The following MDM1 variants were observed in gnomAD, a reference collection of about 807,000 sequenced individuals.
The protein encoded by MDM1 is Mdm1 nuclear protein.
Under a neutral mutation model 89.1 loss-of-function variants are expected in MDM1, and 61 were observed. The ratio of observed to expected loss-of-function variants is 0.68; its 90% CI spans 0.56 to 0.85. MDM1 has a LOEUF of 0.85. MDM1 is among the 40% of genes least tolerant of loss of function. MDM1 has a pLI of 0.00. For synonymous variants in MDM1, 290 were observed against 294.1 expected (o/e 0.99, Z 0.14); for missense variants, 820 against 846.5 (o/e 0.97, Z 0.39).
Position 68,325,559 on chromosome 12 carries a change from C to G in MDM1, c.515G>C (p.Arg172Pro), listed in dbSNP as rs139463520. The G allele has an allele frequency of 2.5e-6, 4 of 1,576,820 alleles. No individual in the cohort carries two copies. The African/African-American group carries it at 5.4e-5, about 21-fold the overall frequency. Residue 172 changes from arginine to proline, a missense_variant, in exon 4 of 15, where the codon CGT becomes CCT. Arg to Pro is a moderately radical substitution (Grantham distance 103). Transcript: ENST00000682720. ...NVDNGLDRLL[R>P]KKAGLTVVPS... ...AACAACAGTCAATCCAGCTTTCTTA[C>G]GCAGAAGTCTATCCAACTGTTCAAA...
intron 12 of MDM1, 58 bp downstream of exon 12, chr12:68,313,385 C>A (rs1039753180): frequency 8.6e-7 from 1 of 1,161,672 alleles, no homozygotes; most frequent in Non-Finnish European, 1.3e-6. Context: ...TCATTTATTA[C>A]ATGTGTCTAC....
intron 1 of MDM1, 161 bp downstream of exon 1, chr12:68,332,067 G>C (rs1228512152): frequency 1.1e-6 from 1 of 890,376 alleles, no homozygotes; most frequent in Non-Finnish European, 1.8e-6. Context: ...AGGTTAAGAG[G>C]CGGCGGGCAG....
chr12:68,331,026 TACTTAGCCCAAGTTATAACG>T, intron 2 of MDM1, 61 bp downstream of exon 2: 1 of 776,204 alleles, frequency 1.3e-6, no homozygotes, highest in Non-Finnish European at 2.3e-6. Context: ...GCCCAAGGTT[TACTTAGCCCAAGTTATAACG>T]GCTTGGCCCA....
chr12:68,320,335 A>G (rs1875048913), intron 7 of MDM1, among the ~76,000 whole-genome samples: 1 of 152,190 alleles, frequency 6.6e-6, no homozygotes, highest in African/African-American at 2.4e-5. Context: ...GACAGCTTTG[A>G]GCTTTGTCTT....
Position 68,332,359 on chromosome 12 carries a change from A to G in MDM1, c.-114T>C. ...AAGCCTCGGCCCGGCGTCCCCGACT[A>G]CGCGCCGGCGCACTCCGCGCTTCCC... On this transcript the variant is annotated 5_prime_UTR_variant, in exon 1 of 15. Transcript: ENST00000682720. 7.6e-7 allele frequency: 1 copy of G among 1,321,784 alleles called. No individual in the cohort carries two copies. The highest frequency in any genetic ancestry group is 1.0e-6 in the Non-Finnish European group (1 of 982,940). 81.9% of individuals were successfully genotyped at this position (1,321,784 alleles called of 1,614,324 possible). A position where few individuals can be genotyped will look rare whatever the true frequency, so the allele number is the denominator to read the frequency against.
At chr12:68,318,760 G>A (rs989025601) in intron 7 of MDM1, among the ~76,000 whole-genome samples, 2 of 152,070 alleles carry the variant, frequency 1.3e-5, no homozygotes, top group African/African-American at 2.4e-5. Context: ...ACCTTTCTGG[G>A]CCAAGTAATG....
intron 13 of MDM1, among the ~76,000 whole-genome samples, chr12:68,298,686 A>C (rs1038013440): frequency 5.3e-5 from 8 of 152,132 alleles, no homozygotes; most frequent in Admixed American, 4.6e-4. Flanking sequence ...ACCTCACTGC[A>C]TTTAACTGAG....
chr12:68,313,690 A>C lies in MDM1; in HGVS notation c.1593T>G (p.Leu531=). Residue 531 remains leucine (L), a synonymous_variant, in exon 11 of 15, where the codon CTT becomes CTG. Transcript: ENST00000682720. ...CATGATGAGTCCTCTGGATTCCACCAAGTTCTCTCAGCTTGGGAGTAGGAA... is the reference window on the plus strand; with the variant it reads ...CATGATGAGTCCTCTGGATTCCACCCAGTTCTCTCAGCTTGGGAGTAGGAA... The part of the protein sequence containing the change: ...GRLPTPKLRE[L]GGIQRTHHDL... The C allele has an allele frequency of 6.2e-7, 1 of 1,614,184 alleles. No homozygotes were observed.
chr12:68,315,157 AC>A lies in MDM1; in HGVS notation c.1319del (p.Gly440ValfsTer68). On this transcript the variant is annotated frameshift_variant, in exon 10 of 15. Transcript: ENST00000682720. LOFTEE classifies it high-confidence loss of function. ...TAACGGGTATGGTGGGAGCTGACAC[AC>A]CCAATTTCTCCGTGGTATTTTTCTG... Reference protein sequence around the residue: ...QPQKNTTEKLGVSAPTIPVRR... With the variant: ...QPQKNTTEKLXVSAPTIPVRR... 16 of 1,613,840 alleles carry A rather than the reference AC, an allele frequency of 9.9e-6. No individual in the cohort carries two copies. The highest frequency in any genetic ancestry group is 1.3e-5 in the Non-Finnish European group (15 of 1,179,954).
At chr12:68,324,100 A>G (rs1417884211) in intron 4 of MDM1, among the ~76,000 whole-genome samples, 2 of 152,104 alleles carry the variant, frequency 1.3e-5, no homozygotes, top group Non-Finnish European at 1.5e-5. Context: ...ACTAACCATG[A>G]GCATTTCCTT....
In MDM1 at chr12:68,316,089, T is replaced by C; in HGVS notation, c.1200A>G (p.Leu400=). The C allele has an allele frequency of 6.2e-7, 1 of 1,609,614 alleles. No individual in the cohort carries two copies. Among genetic ancestry groups the C allele is most frequent in the East Asian group, 2.2e-5 (1 of 44,764 alleles). The change falls in exon 9 of 15, where the codon TTA becomes TTG. Residue 400 remains leucine, a synonymous_variant. Transcript: ENST00000682720. ...EGTVSSNIRA[L]DLAGDPTSHK... is the part of the protein sequence containing the mutation. ...AAAGAATATCTCACCCAGCAAGATCTAATGCTCTGATGTTGCTACTAACGG... is the reference window on the plus strand; with the variant it reads ...AAAGAATATCTCACCCAGCAAGATCCAATGCTCTGATGTTGCTACTAACGG...
intron 1 of MDM1, chr12:68,331,969 C>A: frequency 1.4e-6 from 1 of 694,450 alleles, no homozygotes; most frequent in Middle Eastern, 2.3e-4. Context: ...CTCCACTCCT[C>A]TTGAGTCCCC....
Position 68,331,364 on chromosome 12 carries a change from T to G in MDM1, c.19-143A>C. Reference sequence around the variant, plus strand: ...CACAGACGAGCTCCTTAATAAGAGCTAATATTCACCCAGCCCTGTGCTAAG... The same window carrying G: ...CACAGACGAGCTCCTTAATAAGAGCGAATATTCACCCAGCCCTGTGCTAAG... On this transcript the variant is annotated intron_variant, in intron 1 of 14. Coordinates refer to ENST00000682720, the MANE Select transcript of MDM1 (RefSeq NM_001354969.2). 4.6e-6 allele frequency: 3 copies of G among 645,704 alleles called. No homozygotes were observed. The South Asian group carries it at 5.4e-5, about 12-fold the overall frequency. The allele number at this position is 645,704 out of a possible 1,614,324, so 40.0% of individuals were successfully genotyped here.
At chr12:68,311,057 A>C (rs1182176355) in intron 12 of MDM1, among the ~76,000 whole-genome samples, 1 of 152,154 alleles carries the variant, frequency 6.6e-6, no homozygotes, top group East Asian at 1.9e-4. Flanking sequence ...CACTCTTCTC[A>C]AGTCCCAGTG....
chr12:68,324,734 G>A lies in MDM1; in HGVS notation c.633+707C>T, dbSNP rs1592988861. Among the ~76,000 whole-genome samples, 3 of 152,130 alleles carry A rather than the reference G, an allele frequency of 2.0e-5. No individual in the cohort carries two copies. In the East Asian group the frequency reaches 5.8e-4, roughly 29 times the overall value. ...CAGACTAAGCCATTACAGGTCTCTG[G>A]GGATATTCCAAGTGGAGGTATTTCC... is the stretch of plus-strand genomic sequence containing the variant. On this transcript the variant is annotated intron_variant, in intron 4 of 14. Transcript: ENST00000682720.
chr12:68,321,678 A>C, intron 5 of MDM1, 50 bp from the exon 6 acceptor site: 1 of 1,188,674 alleles, frequency 8.4e-7, no homozygotes, highest in South Asian at 1.3e-5. Flanking sequence ...TTACACATTA[A>C]AGTGAAAACA....
At position 68,302,879 on chromosome 12, in the gene MDM1, GACAAA is replaced by G; in HGVS notation, c.1750-12_1750-8del. On this transcript the variant is annotated splice_region_variant and splice_polypyrimidine_tract_variant and intron_variant, in intron 12 of 14. Coordinates refer to ENST00000682720, the MANE Select transcript of MDM1 (RefSeq NM_001354969.2). ...ATACAGCACGACTTTCTTTCTAAAT[GACAAA>G]AAAAAAAAAAAAAAAAAGATGCCTA... 1.4e-6 allele frequency: 1 copy of G among 738,168 alleles called. No individual in the cohort carries two copies. Among genetic ancestry groups the G allele is most frequent in the Non-Finnish European group, 1.7e-6 (1 of 597,634 alleles). 45.7% of individuals were successfully genotyped at this position (738,168 alleles called of 1,614,324 possible). A position where few individuals can be genotyped will look rare whatever the true frequency, so the allele number is the denominator to read the frequency against.
intron 13 of MDM1, 59 bp from the exon 14 acceptor site, chr12:68,297,041 A>C: frequency 8.9e-5 from 111 of 1,245,602 alleles, no homozygotes; most frequent in Non-Finnish European, 1.1e-4. Flanking sequence ...AGCTTATCTC[A>C]ATTATATACT....
At position 68,295,348 on chromosome 12, in the gene MDM1, T is replaced by C; in HGVS notation, c.2081A>G (p.Glu694Gly). 1 of 1,612,326 alleles carries C rather than the reference T, an allele frequency of 6.2e-7. No homozygotes were observed. Among genetic ancestry groups the C allele is most frequent in the Non-Finnish European group, 8.5e-7 (1 of 1,178,942 alleles). Reference protein sequence around the residue: ...FNDEDEDRLSEISARSAASSL... With the variant: ...FNDEDEDRLSGISARSAASSL... ...AGAAGCTGCAGAGCGAGCAGAAATC[T>C]CAGACAATCTGTCCTCATCTGCAAT... Residue 694 changes from glutamate (E) to glycine (G), a missense_variant, in exon 15 of 15, where the codon GAG becomes GGG. Physicochemically the swap from Glu to Gly is moderately conservative, Grantham distance 98. Transcript: ENST00000682720.
Sources: gnomAD v4.1 joint callset for allele counts (sites outside exome capture counted in the v4.1 genomes callset) on GRCh38, gnomAD v4.1.1 for gene constraint, MANE v1.5 for transcripts, NCBI Gene and HGNC (gene_info 2026-07-23, HGNC 2026-07-21) for gene names.